WWOX: variants seen among roughly 807,000 people sequenced by gnomAD.
WWOX encodes WW domain-containing oxidoreductase.
A neutral mutation model predicts 46.2 loss-of-function variants in WWOX; 69 were observed. The observed-to-expected ratio is 1.49, with a 90% CI of 1.23 to 1.82. The LOEUF is 1.82. Among genes scored for constraint, WWOX ranks in the 40% most tolerant of loss-of-function variants. The pLI, the probability that WWOX is intolerant of heterozygous loss-of-function variation, is 0.00. For synonymous variants in WWOX, 359 were observed against 202.6 expected (o/e 1.77, Z -6.56); for missense variants, 919 against 542.6 (o/e 1.69, Z -6.89).
intron 8 of WWOX, among the ~76,000 whole-genome samples, chr16:78,631,762 G>A (rs2046437803): frequency 6.6e-6 from 1 of 152,132 alleles, no homozygotes; most frequent in African/African-American, 2.4e-5. Context: ...CTGGGCTCAA[G>A]CAATCTGCTC....
At chr16:78,905,122 A>T (rs575511636) in intron 8 of WWOX, among the ~76,000 whole-genome samples, 2 of 152,148 alleles carry the variant, frequency 1.3e-5, no homozygotes, top group Non-Finnish European at 1.5e-5. Context: ...GAGGCCTTCA[A>T]TGACTCTGAT....
chr16:79,154,257 C>T (rs2050337290), intron 8 of WWOX, among the ~76,000 whole-genome samples: 1 of 152,212 alleles, frequency 6.6e-6, no homozygotes, highest in African/African-American at 2.4e-5. Flanking sequence ...CTGCCCTGGA[C>T]ACCGGTGAGG....
At chr16:78,930,341 A>G (rs2045596831) in intron 8 of WWOX, among the ~76,000 whole-genome samples, 1 of 145,638 alleles carries the variant, frequency 6.9e-6, no homozygotes, top group Admixed American at 6.9e-5. Flanking sequence ...GCAGTGGCAC[A>G]TTCATGGCTC....
chr16:79,187,113 C>G (rs2051031440), intron 8 of WWOX, among the ~76,000 whole-genome samples: 2 of 152,320 alleles, frequency 1.3e-5, no homozygotes, highest in South Asian at 4.1e-4. Context: ...ATCATAGACA[C>G]TGAGCCGAAC....
intron 5 of WWOX, among the ~76,000 whole-genome samples, chr16:78,273,779 A>G (rs2151848792): frequency 6.6e-6 from 1 of 152,338 alleles, no homozygotes; most frequent in Admixed American, 6.5e-5. Flanking sequence ...GAAGGACAGA[A>G]GGCTAGTTTG....
intron 8 of WWOX, among the ~76,000 whole-genome samples, chr16:78,863,786 A>G (rs1196054521): frequency 6.6e-6 from 1 of 152,208 alleles, no homozygotes; most frequent in Non-Finnish European, 1.5e-5. Flanking sequence ...AAACTATCAC[A>G]GGCATAGTGA....
chr16:79,140,653 C>A (rs1030789051), intron 8 of WWOX, among the ~76,000 whole-genome samples: 4 of 152,224 alleles, frequency 2.6e-5, no homozygotes, highest in African/African-American at 9.6e-5. Context: ...GCGCTGCTCC[C>A]AATTCTCTAG....
At chr16:78,165,116 T>C (rs2034928563) in intron 5 of WWOX, among the ~76,000 whole-genome samples, 1 of 152,132 alleles carries the variant, frequency 6.6e-6, no homozygotes. Context: ...GGAGAGGTGC[T>C]GTTGGGGGAT....
chr16:78,708,036 G>C (rs1468123705), intron 8 of WWOX, among the ~76,000 whole-genome samples: 1 of 151,998 alleles, frequency 6.6e-6, no homozygotes, highest in African/African-American at 2.4e-5. Flanking sequence ...ATAGAATACA[G>C]GACACCTGGC....
chr16:79,050,360 C>G (rs2048143803), intron 8 of WWOX, among the ~76,000 whole-genome samples: 1 of 152,178 alleles, frequency 6.6e-6, no homozygotes, highest in Non-Finnish European at 1.5e-5. Flanking sequence ...TGTCTCTCAT[C>G]TTCCTGGGAC....
chr16:78,729,243 G>C lies in WWOX; in HGVS notation c.1056+296491G>C, dbSNP rs1047654470. 8.5e-5 allele frequency among the ~76,000 whole-genome samples: 13 copies of C among 152,116 alleles called. 1 individual carries two copies. The highest frequency in any genetic ancestry group is 1.6e-4 in the Non-Finnish European group (11 of 68,004). On this transcript the variant is annotated intron_variant, in intron 8 of 8. Coordinates refer to ENST00000566780, the MANE Select transcript of WWOX (RefSeq NM_016373.4). The stretch of plus-strand genomic sequence containing the variant: ...TGTTGTCCCAGCTATTTGGGAGGCT[G>C]AGGTGGGAGGATTGCTTAAGCCTGG...
At chr16:79,021,038 A>G (rs1282174728) in intron 8 of WWOX, among the ~76,000 whole-genome samples, 1 of 152,202 alleles carries the variant, frequency 6.6e-6, no homozygotes. Flanking sequence ...CAAGCTTCAA[A>G]AAGTTTTCAG....
At chr16:78,916,072 T>C (rs1361334232) in intron 8 of WWOX, among the ~76,000 whole-genome samples, 1 of 152,178 alleles carries the variant, frequency 6.6e-6, no homozygotes, top group Non-Finnish European at 1.5e-5. Flanking sequence ...CACGATGCTA[T>C]CATTGTGTTT....
chr16:79,134,017 A>C (rs139551918), intron 8 of WWOX, among the ~76,000 whole-genome samples: 29 of 152,298 alleles, frequency 1.9e-4, no homozygotes, highest in African/African-American at 6.7e-4. Flanking sequence ...TATCTAAGCA[A>C]GCATGTAGGA....
chr16:78,632,231 T>G (rs986598291), intron 8 of WWOX, among the ~76,000 whole-genome samples: 1 of 152,128 alleles, frequency 6.6e-6, no homozygotes, highest in Non-Finnish European at 1.5e-5. Context: ...ATCTGTACAA[T>G]GGGGTTAATA....
chr16:78,220,594 T>C (rs2053800022), intron 5 of WWOX, among the ~76,000 whole-genome samples: 1 of 152,194 alleles, frequency 6.6e-6, no homozygotes, highest in Admixed American at 6.5e-5. Context: ...ACCTTTAACA[T>C]AGCTAGCGAA....
chr16:78,469,985 A>G (rs2084182605), intron 8 of WWOX, among the ~76,000 whole-genome samples: 1 of 152,252 alleles, frequency 6.6e-6, no homozygotes, highest in African/African-American at 2.4e-5. Context: ...GCTAGCTGCT[A>G]TAACAAATAA....
At chr16:78,947,256 C>G (rs1238185762) in intron 8 of WWOX, among the ~76,000 whole-genome samples, 1 of 152,122 alleles carries the variant, frequency 6.6e-6, no homozygotes, top group Non-Finnish European at 1.5e-5. Context: ...GTTATATTTT[C>G]TCAAGCCACT....
At chr16:78,925,501 C>T (rs2045477936) in intron 8 of WWOX, among the ~76,000 whole-genome samples, 2 of 152,216 alleles carry the variant, frequency 1.3e-5, no homozygotes, top group Admixed American at 1.3e-4. Context: ...TTCCCAGCGT[C>T]TTAACCAGGA....
Sources: allele counts gnomAD v4.1 joint callset (sites outside exome capture counted in the v4.1 genomes callset), GRCh38; gene constraint gnomAD v4.1.1; transcripts MANE v1.5; gene names NCBI Gene and HGNC (gene_info 2026-07-23, HGNC 2026-07-21).